Variants in ABL2 observed in about 807,000 individuals in gnomAD.
ABL2 encodes tyrosine-protein kinase ABL2.
Under a neutral mutation model 107.7 loss-of-function variants are expected in ABL2, and 49 were observed. That is an observed-to-expected ratio of 0.45 (90% CI 0.36 to 0.58). ABL2 has a LOEUF of 0.58. ABL2 is among the 20% of genes least tolerant of loss of function. The pLI is 0.00. For missense variants in ABL2, 1,245 were observed against 1,457.0 expected, an observed-to-expected ratio of 0.85 and a Z score of 2.37; for synonymous variants, 549 against 548.6, an observed-to-expected ratio of 1.00 and a Z score of -0.01.
intron 1 of ABL2, among the ~76,000 whole-genome samples, chr1:179,153,356 C>A (rs1293557937): frequency 6.6e-6 from 1 of 152,022 alleles, no homozygotes; most frequent in African/African-American, 2.4e-5. Context: ...CTTAACCCAA[C>A]AGAAATGCAT....
chr1:179,116,520 T>G (rs1408902173), intron 8 of ABL2, among the ~76,000 whole-genome samples: 1 of 151,392 alleles, frequency 6.6e-6, no homozygotes, highest in African/African-American at 2.4e-5. Flanking sequence ...TCTTTTTTTT[T>G]TTTGTTTGAG....
chr1:179,139,161 T>C lies in ABL2; in HGVS notation c.158-5787A>G, dbSNP rs148546364. On this transcript the variant is annotated intron_variant, in intron 1 of 11. Coordinates refer to ENST00000502732, the MANE Select transcript of ABL2 (RefSeq NM_007314.4). ...TGTGGAAGCTTTGTTCTTTCGCTCT[T>C]TGCAATAAATCTTGCTACTGCTCAC... Among the ~76,000 whole-genome samples, 829 of 152,266 alleles carry C rather than the reference T, an allele frequency of 5.4e-3. 8 individuals carry two copies. The highest frequency in any genetic ancestry group is 0.019 in the African/African-American group (781 of 41,554).
In ABL2 at chr1:179,099,483, GAATTA is replaced by G. The variant is rs1652919306; in HGVS notation, c.*8230_*8234del. 4.5e-6 allele frequency: 1 copy of G among 221,844 alleles called. No homozygotes were observed. The highest frequency in any genetic ancestry group is 9.0e-6 in the Non-Finnish European group (1 of 111,056). The allele number at this position is 221,844 out of a possible 1,614,324, so 13.7% of individuals were successfully genotyped here. On this transcript the variant is annotated 3_prime_UTR_variant, in exon 12 of 12. Coordinates refer to ENST00000502732, the MANE Select transcript of ABL2 (RefSeq NM_007314.4). ...TTCACAGTCAGACAACAGACGGAGA[GAATTA>G]AATTAGAAAAACAACTGAAAATATA... is the stretch of plus-strand genomic sequence containing the variant.
chr1:179,188,734 G>A (rs1660828818), intron 1 of ABL2, among the ~76,000 whole-genome samples: 1 of 152,108 alleles, frequency 6.6e-6, no homozygotes, highest in South Asian at 2.1e-4. Flanking sequence ...CCAGTGCCAA[G>A]AAACTACCTG....
intron 1 of ABL2, among the ~76,000 whole-genome samples, chr1:179,223,102 T>TTC (rs1662967386): frequency 1.2e-5 from 1 of 84,984 alleles, no homozygotes; most frequent in Non-Finnish European, 2.2e-5. Flanking sequence ...AGAGCAAGGC[T>TTC]CCCTCTCAAA....
intron 1 of ABL2, among the ~76,000 whole-genome samples, chr1:179,190,516 C>A (rs1232189156): frequency 1.3e-5 from 2 of 152,040 alleles, no homozygotes; most frequent in African/African-American, 4.8e-5. Context: ...ATTACATAGG[C>A]ATAGTTGATT....
intron 1 of ABL2, among the ~76,000 whole-genome samples, chr1:179,135,975 A>G (rs7556011): frequency 0.28 from 25,049 of 89,862 alleles, 4,717 homozygotes; most frequent in East Asian, 0.43. Flanking sequence ...TCAGCCCCCC[A>G]TCCGGCCAGC....
chr1:179,223,241 C>T (rs1662980771), intron 1 of ABL2, among the ~76,000 whole-genome samples: 1 of 151,580 alleles, frequency 6.6e-6, no homozygotes, highest in Admixed American at 6.6e-5. Flanking sequence ...ACAGCAAGAC[C>T]CCATCTCTAC....
chr1:179,222,443 T>A (rs1289486391), intron 1 of ABL2, among the ~76,000 whole-genome samples: 3 of 151,692 alleles, frequency 2.0e-5, no homozygotes, highest in Non-Finnish European at 2.9e-5. Context: ...CAGGGTGGAG[T>A]ACAGTAGCAC....
At chr1:179,112,236 T>C in intron 10 of ABL2, 73 bp downstream of exon 10, 1 of 1,319,634 alleles carries the variant, frequency 7.6e-7, no homozygotes, top group Non-Finnish European at 1.1e-6. Flanking sequence ...ATTTTTGAAA[T>C]GTAATTACCA....
chr1:179,204,603 C>G (rs889456098), intron 1 of ABL2, among the ~76,000 whole-genome samples: 17 of 151,878 alleles, frequency 1.1e-4, no homozygotes, highest in African/African-American at 4.1e-4. Flanking sequence ...AAAAATTAAC[C>G]AGAGGTGGTG....
chr1:179,163,184 C>T (rs762465201), intron 1 of ABL2, among the ~76,000 whole-genome samples: 1 of 152,124 alleles, frequency 6.6e-6, no homozygotes, highest in Non-Finnish European at 1.5e-5. Flanking sequence ...CAATGAGACA[C>T]CACTATATGC....
intron 1 of ABL2, among the ~76,000 whole-genome samples, chr1:179,152,855 T>C (rs1352328044): frequency 6.6e-6 from 1 of 152,140 alleles, no homozygotes; most frequent in Non-Finnish European, 1.5e-5. Context: ...CAAGAAATCT[T>C]TTGGAGAAGG....
At chr1:179,150,197 A>C (rs1231099251) in intron 1 of ABL2, among the ~76,000 whole-genome samples, 2 of 152,138 alleles carry the variant, frequency 1.3e-5, no homozygotes, top group African/African-American at 4.8e-5. Context: ...GGTACACTGT[A>C]CTCCAGCCTG....
chr1:179,207,035 C>T (rs182933627), intron 1 of ABL2, among the ~76,000 whole-genome samples: 6 of 152,294 alleles, frequency 3.9e-5, no homozygotes, highest in Non-Finnish European at 8.8e-5. Context: ...CTTGCCAGCT[C>T]CAGTTTCCAA....
chr1:179,135,912 G>A (rs1209000793), intron 1 of ABL2, among the ~76,000 whole-genome samples: 1 of 144,006 alleles, frequency 6.9e-6, no homozygotes, highest in Non-Finnish European at 1.5e-5. Flanking sequence ...ACTGGGAAGT[G>A]AGGAGCCCCT....
intron 1 of ABL2, among the ~76,000 whole-genome samples, chr1:179,187,983 A>T (rs1420318307): frequency 6.6e-6 from 1 of 151,566 alleles, no homozygotes; most frequent in Non-Finnish European, 1.5e-5. Context: ...CCCCATCACT[A>T]CTCCCACACA....
At chr1:179,136,091 G>C (rs186727203) in intron 1 of ABL2, among the ~76,000 whole-genome samples, 3,196 of 149,110 alleles carry the variant, frequency 0.021, 68 homozygotes, top group Admixed American at 0.061. Flanking sequence ...AGGTGGGGGG[G>C]GTCAGCCCCC....
At chr1:179,130,918 A>T (rs1656252028) in intron 3 of ABL2, among the ~76,000 whole-genome samples, 1 of 151,638 alleles carries the variant, frequency 6.6e-6, no homozygotes, top group East Asian at 1.9e-4. Flanking sequence ...GCCGGGGAAA[A>T]AAATGTATTT....
Sources: gnomAD v4.1 joint callset for allele counts (sites outside exome capture counted in the v4.1 genomes callset) on GRCh38, gnomAD v4.1.1 for gene constraint, MANE v1.5 for transcripts, NCBI Gene and HGNC (gene_info 2026-07-23, HGNC 2026-07-21) for gene names.